Variants in ZFHX3 observed in about 807,000 individuals in gnomAD.
The protein encoded by ZFHX3 is zinc finger homeobox 3, also known as zinc finger homeobox protein 3.
A neutral mutation model predicts 279.1 loss-of-function variants in ZFHX3; 42 were observed. The ratio of observed to expected loss-of-function variants is 0.15; its 90% CI spans 0.12 to 0.19. The LOEUF is 0.19. ZFHX3 is among the 10% of genes least tolerant of loss of function. The pLI is 1.00. For missense variants in ZFHX3, 4,981 were observed against 4,754.0 expected (o/e 1.05, Z -1.40); for synonymous variants, 2,293 against 1,957.8 (o/e 1.17, Z -4.52).
At chr16:73,040,762 C>T (rs1208919651) in intron 1 of ZFHX3, among the ~76,000 whole-genome samples, 2 of 152,126 alleles carry the variant, frequency 1.3e-5, no homozygotes, top group Non-Finnish European at 2.9e-5. Flanking sequence ...ATGAAAAGGG[C>T]GTGGAGATGG....
chr16:73,682,999 GAAA>G (rs1567550847), intron 1 of ZFHX3, among the ~76,000 whole-genome samples: 6 of 84,498 alleles, frequency 7.1e-5, no homozygotes, highest in Non-Finnish European at 1.2e-4. Context: ...AGAAAAGAAA[GAAA>G]GAAAGAAAGA....
chr16:73,258,071 C>T (rs1333714125), intron 4 of ZFHX3, among the ~76,000 whole-genome samples: 1 of 152,168 alleles, frequency 6.6e-6, no homozygotes, highest in East Asian at 1.9e-4. Flanking sequence ...CCATTAAGAA[C>T]CACTGGAGTA....
intron 1 of ZFHX3, among the ~76,000 whole-genome samples, chr16:73,728,015 G>GCCCCCCCCCCCCCCCCCCC (rs3049673): frequency 1.3e-5 from 1 of 75,426 alleles, no homozygotes. Context: ...GCCGAATTGT[G>GCCCCCCCCCCCCCCCCCCC]CCCCCCCCCC....
chr16:73,659,378 A>G (rs1485921701), intron 2 of ZFHX3, among the ~76,000 whole-genome samples: 2 of 152,148 alleles, frequency 1.3e-5, no homozygotes, highest in African/African-American at 4.8e-5. Flanking sequence ...ATTAAAACCT[A>G]CTTTTATTTC....
In ZFHX3 at chr16:73,161,122, G is replaced by A. The variant is rs574691804; in HGVS notation, c.-1103-17291C>T. On this transcript the variant is annotated intron_variant, in intron 5 of 17. Transcript: ENST00000641206. ...CGAGTAGCTGGGACTACAGGCGCCC[G>A]GCACCATGCCTGGCTAATCTTTTAA... Among the ~76,000 whole-genome samples, 20 of 152,130 alleles carry A rather than the reference G, an allele frequency of 1.3e-4. No homozygotes were observed. The South Asian group carries it at 4.0e-3, about 30-fold the overall frequency.
At chr16:73,056,065 G>A (rs1428635982) in intron 1 of ZFHX3, among the ~76,000 whole-genome samples, 1 of 152,142 alleles carries the variant, frequency 6.6e-6, no homozygotes, top group Non-Finnish European at 1.5e-5. Context: ...GAGGGGGAAG[G>A]GAGACACACA....
chr16:72,929,415 C>T (rs1333809667), intron 3 of ZFHX3, among the ~76,000 whole-genome samples: 1 of 152,140 alleles, frequency 6.6e-6, no homozygotes, highest in Admixed American at 6.5e-5. Flanking sequence ...TTTGAAAAAG[C>T]TCTGGGGGTG....
chr16:73,373,981 G>A (rs201747061), intron 3 of ZFHX3, among the ~76,000 whole-genome samples: 7 of 152,196 alleles, frequency 4.6e-5, no homozygotes, highest in East Asian at 1.9e-4. Context: ...TACATAGTAC[G>A]TGCACTCTTG....
chr16:73,600,671 C>T (rs977820633), intron 2 of ZFHX3, among the ~76,000 whole-genome samples: 17 of 152,086 alleles, frequency 1.1e-4, no homozygotes, highest in African/African-American at 3.4e-4. Context: ...CCGCCCGCCT[C>T]GGCCTCCCAA....
chr16:72,812,136 G>T lies in ZFHX3; in HGVS notation c.3530-98C>A. 2.7e-6 allele frequency: 4 copies of T among 1,481,610 alleles called. No individual in the cohort carries two copies. In the South Asian group the frequency reaches 5.6e-5, roughly 21 times the overall value. 91.8% of individuals were successfully genotyped at this position (1,481,610 alleles called of 1,614,324 possible). A position where few individuals can be genotyped will look rare whatever the true frequency, so the allele number is the denominator to read the frequency against. On this transcript the variant is annotated intron_variant, in intron 5 of 9. Coordinates refer to ENST00000268489, the MANE Select transcript of ZFHX3 (RefSeq NM_006885.4). ...AAATCAACATTCATTTATAGCACAGGATTTTCTTAAAACACCAAAATTCAA... is the reference window on the plus strand; with the variant it reads ...AAATCAACATTCATTTATAGCACAGTATTTTCTTAAAACACCAAAATTCAA...
intron 7 of ZFHX3, among the ~76,000 whole-genome samples, chr16:73,127,896 G>T (rs56348622): frequency 0.014 from 2,098 of 152,230 alleles, 24 homozygotes; most frequent in Non-Finnish European, 0.022. Flanking sequence ...AACTTGTTTG[G>T]CCAATGAAAT....
chr16:72,909,872 T>C (rs2039274715), intron 3 of ZFHX3, among the ~76,000 whole-genome samples: 1 of 98,408 alleles, frequency 1.0e-5, no homozygotes, highest in Non-Finnish European at 1.9e-5. Flanking sequence ...AGTGACACCG[T>C]GTCTCAAAAA....
At chr16:73,618,021 C>T (rs1335884547) in intron 2 of ZFHX3, among the ~76,000 whole-genome samples, 1 of 152,222 alleles carries the variant, frequency 6.6e-6, no homozygotes, top group African/African-American at 2.4e-5. Context: ...AACTAATGTT[C>T]AGGCACTGTC....
At chr16:73,661,237 C>T (rs772667211) in intron 2 of ZFHX3, among the ~76,000 whole-genome samples, 5 of 152,270 alleles carry the variant, frequency 3.3e-5, no homozygotes, top group Non-Finnish European at 5.9e-5. Flanking sequence ...TTTGAAAAAT[C>T]AGTATGAAGA....
chr16:73,126,830 C>A (rs1966577815), intron 7 of ZFHX3: 2 of 152,520 alleles, frequency 1.3e-5, no homozygotes, highest in African/African-American at 4.8e-5. Context: ...AATCCTGCCT[C>A]CGCAGCAGTC....
intron 1 of ZFHX3, among the ~76,000 whole-genome samples, chr16:73,875,057 T>A (rs184546001): frequency 9.8e-5 from 15 of 152,306 alleles, no homozygotes; most frequent in African/African-American, 3.4e-4. Flanking sequence ...ATATAGCTGT[T>A]AAGTGAGCTA....
intron 2 of ZFHX3, among the ~76,000 whole-genome samples, chr16:73,552,339 A>C (rs1396397690): frequency 6.6e-6 from 1 of 152,166 alleles, no homozygotes; most frequent in African/African-American, 2.4e-5. Context: ...TGCCCTGTAC[A>C]TGTTTTTGGC....
At chr16:72,906,089 G>A (rs2144156413) in intron 3 of ZFHX3, among the ~76,000 whole-genome samples, 1 of 152,034 alleles carries the variant, frequency 6.6e-6, no homozygotes, top group East Asian at 2.0e-4. Flanking sequence ...CCAGCCTTCT[G>A]ACTGGCCAAC....
chr16:73,580,164 T>C (rs115210074), intron 2 of ZFHX3, among the ~76,000 whole-genome samples: 1,575 of 151,832 alleles, frequency 0.01, 49 homozygotes, highest in African/African-American at 0.036. Context: ...CTCTATGTGT[T>C]AGCTGGAATT....
Sources: gnomAD v4.1 joint callset for allele counts (sites outside exome capture counted in the v4.1 genomes callset) on GRCh38, gnomAD v4.1.1 for gene constraint, MANE v1.5 for transcripts, NCBI Gene and HGNC (gene_info 2026-07-23, HGNC 2026-07-21) for gene names.